Variants in OR2L13 observed in about 807,000 individuals in gnomAD.
The protein encoded by OR2L13 is olfactory receptor 2L13.
Under a neutral mutation model 15.3 loss-of-function variants are expected in OR2L13, and 14 were observed. The observed-to-expected ratio is 0.91, with a 90% CI of 0.60 to 1.43. The LOEUF is 1.43. Among genes scored for constraint, OR2L13 ranks in the 40% most tolerant of loss-of-function variants. The pLI, the probability that OR2L13 is intolerant of heterozygous loss-of-function variation, is 0.00. For synonymous variants in OR2L13, 152 were observed against 142.9 expected (o/e 1.06, Z -0.45); for missense variants, 367 against 387.9 (o/e 0.95, Z 0.45).
the OR2L13 span, among the ~76,000 whole-genome samples, chr1:247,999,345 C>T: frequency 1.2e-4 from 19 of 152,132 alleles, no homozygotes; most frequent in Admixed American, 5.9e-4. Context: ...TGTCTGTCTA[C>T]GTACTTACTG....
the OR2L13 span, among the ~76,000 whole-genome samples, chr1:247,960,732 C>A: frequency 6.6e-6 from 1 of 152,222 alleles, no homozygotes; most frequent in Non-Finnish European, 1.5e-5. Flanking sequence ...GCGTAGGACC[C>A]TCTGAGCTAG....
the OR2L13 span, among the ~76,000 whole-genome samples, chr1:247,988,086 G>T: frequency 1.3e-5 from 2 of 151,940 alleles, no homozygotes; most frequent in African/African-American, 4.8e-5. Context: ...TTCTCACTTT[G>T]TGATTTAACA....
the OR2L13 span, among the ~76,000 whole-genome samples, chr1:248,044,074 T>G: frequency 6.6e-6 from 1 of 152,104 alleles, no homozygotes; most frequent in Non-Finnish European, 1.5e-5. Flanking sequence ...TCTAGAAATA[T>G]CAAACTATCT....
chr1:248,082,047 G>A, the OR2L13 span, among the ~76,000 whole-genome samples: 1 of 151,594 alleles, frequency 6.6e-6, no homozygotes, highest in African/African-American at 2.4e-5. Context: ...GCACACGTAT[G>A]TTTATTGCGG....
At chr1:247,980,519 T>C in the OR2L13 span, among the ~76,000 whole-genome samples, 1 of 152,310 alleles carries the variant, frequency 6.6e-6, no homozygotes, top group East Asian at 1.9e-4. Context: ...ACAAATGCAT[T>C]AGTAAAACCT....
At chr1:247,979,194 G>A in the OR2L13 span, among the ~76,000 whole-genome samples, 2 of 152,030 alleles carry the variant, frequency 1.3e-5, no homozygotes, top group East Asian at 1.9e-4. Flanking sequence ...TTAAGTTCTA[G>A]GGTACATGTG....
chr1:247,965,247 A>C, the OR2L13 span: 67 of 1,113,290 alleles, frequency 6.0e-5, no homozygotes, highest in African/African-American at 7.8e-4. Context: ...CTAAACATGT[A>C]GATAGTTGCC....
the OR2L13 span, among the ~76,000 whole-genome samples, chr1:247,938,646 C>A: frequency 1.1e-4 from 16 of 151,866 alleles, no homozygotes; most frequent in South Asian, 2.1e-4. Flanking sequence ...ATAAACATGC[C>A]CACACACACA....
chr1:247,965,880 C>T, the OR2L13 span: 3 of 1,612,526 alleles, frequency 1.9e-6, no homozygotes, highest in Non-Finnish European at 2.5e-6. Context: ...AGCTTCCATT[C>T]TGTAGGTCTC....
the OR2L13 span, among the ~76,000 whole-genome samples, chr1:248,048,067 GTCC>G: frequency 6.6e-6 from 1 of 152,144 alleles, no homozygotes; most frequent in African/African-American, 2.4e-5. Context: ...GAGTAAGCAC[GTCC>G]TCATTCCAAA....
chr1:248,042,616 A>G, the OR2L13 span, among the ~76,000 whole-genome samples: 1 of 152,206 alleles, frequency 6.6e-6, no homozygotes, highest in Non-Finnish European at 1.5e-5. Context: ...CACTTACTTC[A>G]CTGTGAGGGA....
the OR2L13 span, among the ~76,000 whole-genome samples, chr1:247,968,507 C>A: frequency 4.0e-5 from 6 of 149,758 alleles, no homozygotes; most frequent in African/African-American, 1.2e-4. Context: ...CCCCCACCCC[C>A]CAACAGGCCC....
the OR2L13 span, among the ~76,000 whole-genome samples, chr1:248,030,583 C>G: frequency 6.6e-6 from 1 of 152,106 alleles, no homozygotes; most frequent in African/African-American, 2.4e-5. Flanking sequence ...TTCCTTGTAC[C>G]TACTTGGTTG....
the OR2L13 span, chr1:248,060,582 T>C: frequency 1.1e-6 from 1 of 909,788 alleles, no homozygotes; most frequent in Non-Finnish European, 1.7e-6. Context: ...TCTCAAGAAT[T>C]TACTGAGGGG....
the OR2L13 span, among the ~76,000 whole-genome samples, chr1:248,017,564 C>T: frequency 1.1e-3 from 161 of 152,344 alleles, 1 homozygote; most frequent in African/African-American, 3.7e-3. Flanking sequence ...GCAGGACAGG[C>T]TTCTGCCTTA....
the OR2L13 span, among the ~76,000 whole-genome samples, chr1:247,950,254 A>G: frequency 6.6e-6 from 1 of 152,116 alleles, no homozygotes; most frequent in African/African-American, 2.4e-5. Flanking sequence ...TTAACGTACC[A>G]GTTACTCTTT....
the OR2L13 span, among the ~76,000 whole-genome samples, chr1:248,016,814 G>A: frequency 1.3e-5 from 2 of 151,850 alleles, no homozygotes; most frequent in Non-Finnish European, 1.5e-5. Flanking sequence ...TGTAAATATA[G>A]GCATATGTGT....
the OR2L13 span, among the ~76,000 whole-genome samples, chr1:247,946,581 G>A: frequency 1.3e-5 from 2 of 152,160 alleles, no homozygotes; most frequent in Non-Finnish European, 2.9e-5. Context: ...GACCCCAAAG[G>A]CAAGGACTTC....
chr1:247,980,544 G>A, the OR2L13 span, among the ~76,000 whole-genome samples: 1 of 152,050 alleles, frequency 6.6e-6, no homozygotes, highest in East Asian at 1.9e-4. Context: ...AAACATAATT[G>A]TTTCTTTTCC....
Sources: allele counts gnomAD v4.1 joint callset (sites outside exome capture counted in the v4.1 genomes callset), GRCh38; gene constraint gnomAD v4.1.1; transcripts MANE v1.5; gene names NCBI Gene and HGNC (gene_info 2026-07-23, HGNC 2026-07-21).